Variants in SOX5 observed in about 807,000 individuals in gnomAD.
SOX5 encodes SRY-box transcription factor 5, also known as transcription factor SOX-5.
A neutral mutation model predicts 92.0 loss-of-function variants in SOX5; 9 were observed. The observed-to-expected ratio is 0.10, with a 90% CI of 0.06 to 0.17. The LOEUF is 0.17. Among genes scored for constraint, SOX5 ranks in the 10% least tolerant of loss-of-function variants. The pLI, the probability that SOX5 is intolerant of heterozygous loss-of-function variation, is 1.00. For missense variants in SOX5, 642 were observed against 944.5 expected, an observed-to-expected ratio of 0.68 and a Z score of 4.20; for synonymous variants, 344 against 336.3, an observed-to-expected ratio of 1.02 and a Z score of -0.25.
At chr12:24,096,916 G>A (rs1945488593) in intron 4 of SOX5, among the ~76,000 whole-genome samples, 2 of 152,160 alleles carry the variant, frequency 1.3e-5, no homozygotes, top group African/African-American at 4.8e-5. Flanking sequence ...ATCCCATATG[G>A]TAATTTTTGT....
intron 6 of SOX5, among the ~76,000 whole-genome samples, chr12:23,716,880 G>A (rs2140469460): frequency 6.6e-6 from 1 of 152,206 alleles, no homozygotes; most frequent in Middle Eastern, 3.4e-3. Context: ...AGCTTTTAAA[G>A]GAAAATACCA....
chr12:23,574,917 G>A (rs974295949), intron 10 of SOX5, among the ~76,000 whole-genome samples: 1 of 152,098 alleles, frequency 6.6e-6, no homozygotes, highest in Admixed American at 6.6e-5. Flanking sequence ...CTGCAACAGC[G>A]CTTATTATAG....
At chr12:23,865,637 T>C (rs2096803129) in intron 2 of SOX5, among the ~76,000 whole-genome samples, 1 of 152,016 alleles carries the variant, frequency 6.6e-6, no homozygotes. Context: ...ATCACACCAC[T>C]GCATTCCCGC....
chr12:24,064,946 T>A (rs1940406763), intron 4 of SOX5, among the ~76,000 whole-genome samples: 1 of 152,202 alleles, frequency 6.6e-6, no homozygotes, highest in Non-Finnish European at 1.5e-5. Flanking sequence ...TATACATATA[T>A]TCCCCTTAGA....
chr12:23,578,776 A>C (rs545072972), intron 9 of SOX5, among the ~76,000 whole-genome samples: 5 of 152,260 alleles, frequency 3.3e-5, no homozygotes, highest in African/African-American at 9.6e-5. Flanking sequence ...GTTTTCCCCT[A>C]GCAATATACT....
chr12:24,380,960 G>A (rs1957764557), intron 1 of SOX5, among the ~76,000 whole-genome samples: 1 of 152,130 alleles, frequency 6.6e-6, no homozygotes, highest in Non-Finnish European at 1.5e-5. Flanking sequence ...AATTTCCAAG[G>A]GGGGCATCTA....
At chr12:23,762,753 T>C (rs1475242228) in intron 3 of SOX5, among the ~76,000 whole-genome samples, 1 of 152,160 alleles carries the variant, frequency 6.6e-6, no homozygotes, top group Non-Finnish European at 1.5e-5. Context: ...TCAATTATAA[T>C]TGGTTTTATA....
In SOX5 at chr12:24,192,224, G is replaced by A. The variant is rs572159789; in HGVS notation, c.-2+21119C>T. Among the ~76,000 whole-genome samples, 6 of 152,264 alleles carry A rather than the reference G, an allele frequency of 3.9e-5. No individual in the cohort carries two copies. In the South Asian group the frequency reaches 6.2e-4, roughly 16 times the overall value. On this transcript the variant is annotated intron_variant, in intron 4 of 4. Coordinates refer to the SOX5 transcript ENST00000446891. ...GCCAGAATTGAACAACAGTTCTTCC[G>A]ACTCATGGGCTTTTCCTACTGCCAC... is the stretch of plus-strand genomic sequence containing the variant.
At chr12:24,274,582 C>T (rs1944193265) in intron 3 of SOX5, among the ~76,000 whole-genome samples, 2 of 151,548 alleles carry the variant, frequency 1.3e-5, no homozygotes, top group South Asian at 4.2e-4. Flanking sequence ...CAGACCCAAA[C>T]AATCTGTCTC....
intron 4 of SOX5, among the ~76,000 whole-genome samples, chr12:24,072,164 A>G (rs1941876093): frequency 3.3e-5 from 5 of 152,234 alleles, no homozygotes; most frequent in Admixed American, 3.3e-4. Flanking sequence ...CAACACTTCA[A>G]ATAGCTGTGA....
intron 3 of SOX5, among the ~76,000 whole-genome samples, chr12:24,277,007 A>T (rs1197848556): frequency 7.9e-5 from 12 of 152,134 alleles, no homozygotes; most frequent in Non-Finnish European, 1.5e-5. Flanking sequence ...GTTTAGAGAC[A>T]TTACCATCAT....
intron 4 of SOX5, among the ~76,000 whole-genome samples, chr12:23,995,723 A>T (rs892120198): frequency 6.6e-6 from 1 of 152,142 alleles, no homozygotes; most frequent in Non-Finnish European, 1.5e-5. Flanking sequence ...TGAGTCCTAA[A>T]AGGGATCCAA....
intron 1 of SOX5, among the ~76,000 whole-genome samples, chr12:24,401,646 G>A (rs1247216956): frequency 7.3e-6 from 1 of 137,204 alleles, no homozygotes; most frequent in Non-Finnish European, 1.5e-5. Context: ...GGAGTTGGAA[G>A]ATGCAGTGGC....
intron 4 of SOX5, among the ~76,000 whole-genome samples, chr12:24,094,224 G>A (rs1945038048): frequency 6.6e-6 from 1 of 152,142 alleles, no homozygotes; most frequent in African/African-American, 2.4e-5. Context: ...TGGGATTACA[G>A]GCATGAGCCA....
chr12:24,004,539 G>A (rs1951951328), intron 4 of SOX5, among the ~76,000 whole-genome samples: 1 of 151,848 alleles, frequency 6.6e-6, no homozygotes, highest in Non-Finnish European at 1.5e-5. Context: ...TACTCTTTAG[G>A]GAAATGCAAA....
At chr12:23,553,294 A>C (rs1260773974) in intron 11 of SOX5, among the ~76,000 whole-genome samples, 1 of 152,054 alleles carries the variant, frequency 6.6e-6, no homozygotes, top group Non-Finnish European at 1.5e-5. Flanking sequence ...TTTGTTAAAG[A>C]CACACTTACA....
chr12:23,756,382 G>A (rs979639150), intron 3 of SOX5, among the ~76,000 whole-genome samples: 7 of 151,812 alleles, frequency 4.6e-5, no homozygotes, highest in African/African-American at 1.7e-4. Flanking sequence ...CCTGTATTCA[G>A]ACAGGGCACA....
At chr12:23,767,987 T>C (rs1349697717) in intron 3 of SOX5, among the ~76,000 whole-genome samples, 1 of 152,096 alleles carries the variant, frequency 6.6e-6, no homozygotes, top group Non-Finnish European at 1.5e-5. Context: ...TGAGGAACAA[T>C]AGCAGGTGGG....
intron 3 of SOX5, among the ~76,000 whole-genome samples, chr12:24,234,919 G>T (rs10743495): frequency 0.36 from 54,548 of 151,750 alleles, 10,174 homozygotes; most frequent in African/African-American, 0.4. Flanking sequence ...CCAAGATTGC[G>T]GCTAAACATC....
Sources: allele counts gnomAD v4.1 joint callset (sites outside exome capture counted in the v4.1 genomes callset), GRCh38; gene constraint gnomAD v4.1.1; transcripts MANE v1.5; gene names NCBI Gene and HGNC (gene_info 2026-07-23, HGNC 2026-07-21).